The following EIF4G3 variants were observed in gnomAD, a reference collection of about 807,000 sequenced individuals.
The protein encoded by EIF4G3 is eIF-4-gamma 3.
In EIF4G3, 34 loss-of-function variants were observed where a neutral mutation model predicts 186.4. The observed-to-expected ratio is 0.18, with a 90% CI of 0.14 to 0.24. The LOEUF (loss-of-function observed/expected upper bound fraction) is 0.24. Among genes scored for constraint, EIF4G3 ranks in the 10% least tolerant of loss-of-function variants. The probability of loss-of-function intolerance (pLI) is 1.00; values close to 1 mark genes in which losing one functional copy is unlikely to be tolerated. For missense variants in EIF4G3, 1,536 were observed against 1,948.5 expected (o/e 0.79, Z 3.99); for synonymous variants, 673 against 679.5 (o/e 0.99, Z 0.15).
At chr1:21,080,797 C>T (rs1037099223) in intron 3 of EIF4G3, among the ~76,000 whole-genome samples, 2 of 152,084 alleles carry the variant, frequency 1.3e-5, no homozygotes, top group African/African-American at 2.4e-5. Flanking sequence ...CATAAGCCAC[C>T]GGGCCCAGCT....
chr1:21,123,333 T>A (rs2096960539), intron 2 of EIF4G3, among the ~76,000 whole-genome samples: 1 of 151,812 alleles, frequency 6.6e-6, no homozygotes, highest in Non-Finnish European at 1.5e-5. Context: ...GAGGCCGAGA[T>A]GAGCAGATCA....
intron 12 of EIF4G3, among the ~76,000 whole-genome samples, chr1:20,965,141 G>A (rs1397242577): frequency 4.6e-5 from 7 of 152,096 alleles, no homozygotes; most frequent in Admixed American, 2.6e-4. Flanking sequence ...CCCTGGTCAG[G>A]GCTCTCTTAG....
chr1:20,944,760 T>G (rs2095867750), intron 13 of EIF4G3, among the ~76,000 whole-genome samples: 1 of 150,942 alleles, frequency 6.6e-6, no homozygotes, highest in Admixed American at 6.6e-5. Context: ...AGGCCAGGCA[T>G]GGTGAGCTCA....
intron 4 of EIF4G3, among the ~76,000 whole-genome samples, chr1:21,007,530 A>AAAACAAACAAAC (rs1553128357): frequency 2.8e-5 from 4 of 142,736 alleles, no homozygotes; most frequent in African/African-American, 1.0e-4. Context: ...AAAAAAAAAA[A>AAAACAAACAAAC]AAAAAAACAC....
intron 2 of EIF4G3, among the ~76,000 whole-genome samples, chr1:21,098,058 T>C (rs760882081): frequency 2.6e-5 from 4 of 152,040 alleles, no homozygotes; most frequent in South Asian, 4.1e-4. Context: ...TTGGGCAACA[T>C]AGCAAGCAAG....
intron 14 of EIF4G3, among the ~76,000 whole-genome samples, chr1:20,913,973 AT>A (rs1017358706): frequency 6.6e-6 from 1 of 150,788 alleles, no homozygotes; most frequent in African/African-American, 2.4e-5. Flanking sequence ...CGCCTGGATA[AT>A]TTTTTTTGTA....
chr1:20,992,042 G>GAAT (rs2081248106), intron 7 of EIF4G3, among the ~76,000 whole-genome samples: 1 of 152,140 alleles, frequency 6.6e-6, no homozygotes, highest in Non-Finnish European at 1.5e-5. Flanking sequence ...AAGATAATTT[G>GAAT]TAGTGAAGCT....
intron 19 of EIF4G3, among the ~76,000 whole-genome samples, chr1:20,884,665 G>A (rs961138437): frequency 6.6e-6 from 1 of 152,156 alleles, no homozygotes; most frequent in Non-Finnish European, 1.5e-5. Flanking sequence ...GATGTCCTTA[G>A]GAACCCTGTG....
chr1:21,164,051 A>C (rs991717786), intron 2 of EIF4G3, among the ~76,000 whole-genome samples: 1 of 152,064 alleles, frequency 6.6e-6, no homozygotes, highest in Non-Finnish European at 1.5e-5. Context: ...TGGGATTACA[A>C]GTGTGAGCCA....
At chr1:20,967,766 T>C (rs891123280) in intron 12 of EIF4G3, among the ~76,000 whole-genome samples, 32 of 152,228 alleles carry the variant, frequency 2.1e-4, no homozygotes, top group Admixed American at 1.9e-3. Context: ...CTTTTTATTT[T>C]TGTCTGTACT....
intron 34 of EIF4G3, among the ~76,000 whole-genome samples, chr1:20,814,476 A>C (rs1004228927): frequency 6.6e-6 from 1 of 152,118 alleles, no homozygotes; most frequent in Non-Finnish European, 1.5e-5. Context: ...AACATATTTT[A>C]TTCCTCAATA....
intron 2 of EIF4G3, among the ~76,000 whole-genome samples, chr1:21,094,018 G>A (rs1348063780): frequency 6.6e-6 from 1 of 152,054 alleles, no homozygotes; most frequent in African/African-American, 2.4e-5. Context: ...ACGAGTTAAT[G>A]GGTGCAGCAC....
chr1:21,156,384 C>T (rs1343954534), intron 2 of EIF4G3, among the ~76,000 whole-genome samples: 2 of 152,128 alleles, frequency 1.3e-5, no homozygotes, highest in Non-Finnish European at 2.9e-5. Context: ...TTCCCTCTCT[C>T]CATTATGCTT....
chr1:21,090,478 G>A (rs906334555), intron 2 of EIF4G3, among the ~76,000 whole-genome samples: 4 of 152,156 alleles, frequency 2.6e-5, no homozygotes, highest in Admixed American at 2.0e-4. Context: ...GAAAAGAGAG[G>A]ACCAATACAT....
At chr1:20,997,736 C>A (rs1362414238) in intron 6 of EIF4G3, 103 bp from the exon 7 acceptor site, 7 of 853,464 alleles carry the variant, frequency 8.2e-6, no homozygotes, top group African/African-American at 7.0e-5. Context: ...AGAAAAAAAA[C>A]CCACAGTGGG....
At chr1:21,077,750 C>T (rs2095631552) in intron 3 of EIF4G3, among the ~76,000 whole-genome samples, 1 of 151,768 alleles carries the variant, frequency 6.6e-6, no homozygotes, top group African/African-American at 2.4e-5. Flanking sequence ...CGTGGTGGCG[C>T]ATGCCTGTAA....
At chr1:20,934,575 G>A (rs1222861833) in intron 14 of EIF4G3, among the ~76,000 whole-genome samples, 1 of 152,122 alleles carries the variant, frequency 6.6e-6, no homozygotes, top group Non-Finnish European at 1.5e-5. Context: ...TGCTGCAGGT[G>A]AGTAGCACTG....
At position 20,828,907 on chromosome 1, in the gene EIF4G3, C is replaced by T. The variant is rs530983770; in HGVS notation, c.4187+240G>A. Among the ~76,000 whole-genome samples the T allele has an allele frequency of 9.4e-4, 143 of 152,276 alleles. 1 individual carries two copies. The highest frequency in any genetic ancestry group is 3.2e-3 in the African/African-American group (133 of 41,542). On this transcript the variant is annotated intron_variant, in intron 31 of 36. Transcript: ENST00000602326. Reference sequence around the variant, plus strand: ...TCTTCCAGTTACACGATTCTGGAGCCAATCTATCATCGCCACTACCCTCAA... The same window carrying T: ...TCTTCCAGTTACACGATTCTGGAGCTAATCTATCATCGCCACTACCCTCAA...
intron 2 of EIF4G3, among the ~76,000 whole-genome samples, chr1:21,094,312 T>A (rs1474505892): frequency 6.6e-6 from 1 of 151,910 alleles, no homozygotes; most frequent in Non-Finnish European, 1.5e-5. Flanking sequence ...TAAAGACACA[T>A]GCACACATAC....
Sources: allele counts gnomAD v4.1 joint callset (sites outside exome capture counted in the v4.1 genomes callset), GRCh38; gene constraint gnomAD v4.1.1; transcripts MANE v1.5; gene names NCBI Gene and HGNC (gene_info 2026-07-23, HGNC 2026-07-21).